Variants in CAMTA1 observed in about 807,000 individuals in gnomAD.
CAMTA1 encodes calmodulin binding transcription activator 1.
CAMTA1 carries 27 observed loss-of-function variants against 170.9 expected under a neutral mutation model. That is an observed-to-expected ratio of 0.16 (90% CI 0.12 to 0.22). The LOEUF (loss-of-function observed/expected upper bound fraction) is 0.22. CAMTA1 is among the 10% of genes least tolerant of loss of function. The probability of loss-of-function intolerance (pLI) is 1.00; values close to 1 mark genes in which losing one functional copy is unlikely to be tolerated. For synonymous variants in CAMTA1, 833 were observed against 891.5 expected (o/e 0.93, Z 1.17); for missense variants, 1,619 against 2,217.2 (o/e 0.73, Z 5.42).
intron 3 of CAMTA1, among the ~76,000 whole-genome samples, chr1:6,884,738 G>T (rs1410706785): frequency 6.6e-6 from 1 of 152,204 alleles, no homozygotes; most frequent in African/African-American, 2.4e-5. Flanking sequence ...TGTGTTGAAG[G>T]AATAATTACT....
chr1:6,935,008 G>T (rs1469398486), intron 3 of CAMTA1, among the ~76,000 whole-genome samples: 1 of 152,154 alleles, frequency 6.6e-6, no homozygotes, highest in Admixed American at 6.5e-5. Context: ...GAACTTAAAA[G>T]AAATGCAGGA....
chr1:7,170,674 A>G (rs1257090438), intron 4 of CAMTA1, among the ~76,000 whole-genome samples: 2 of 152,290 alleles, frequency 1.3e-5, no homozygotes, highest in East Asian at 1.9e-4. Flanking sequence ...GTAGTATTCC[A>G]TGGTGTATAT....
At position 7,064,043 on chromosome 1, in the gene CAMTA1, A is replaced by ATGG. The variant is rs1357536471; in HGVS notation, c.235-27257_235-27255dup. 1.4e-4 allele frequency among the ~76,000 whole-genome samples: 21 copies of ATGG among 152,026 alleles called. No homozygotes were observed. Among genetic ancestry groups the ATGG allele is most frequent in the Admixed American group, 1.4e-3 (21 of 15,266 alleles). ...GGCTGCCAGGTGGCTGCCTTCTCAT[A>ATGG]TGGTGGGAGCCTTTGCCTTCACCTT... On this transcript the variant is annotated intron_variant, in intron 3 of 22. Transcript: ENST00000303635. The surrounding 1 kb of genome is among the most constrained non-coding windows in gnomAD (Gnocchi z 5.4).
intron 6 of CAMTA1, among the ~76,000 whole-genome samples, chr1:7,550,787 C>A (rs2094790198): frequency 7.4e-6 from 1 of 135,396 alleles, no homozygotes; most frequent in African/African-American, 2.7e-5. Context: ...ACCTGACCGT[C>A]TTTCACATGG....
rs949137931 is a variant in CAMTA1 at position 7,455,270 on chromosome 1, A to C, written c.439-12560A>C. Among the ~76,000 whole-genome samples the C allele has an allele frequency of 1.3e-5, 2 of 152,202 alleles. No individual in the cohort carries two copies. The highest frequency in any genetic ancestry group is 1.3e-4 in the Admixed American group (2 of 15,284). Reference sequence around the variant, plus strand: ...TTTCCGACACTGGCTCCCAGGTGGAAGGCCTGATGCCGCCCTGCTGTCTGC... The same window carrying C: ...TTTCCGACACTGGCTCCCAGGTGGACGGCCTGATGCCGCCCTGCTGTCTGC... On this transcript the variant is annotated intron_variant, in intron 5 of 22. Transcript: ENST00000303635. The surrounding 1 kb of genome is among the most constrained non-coding windows in gnomAD (Gnocchi z 5.0).
intron 3 of CAMTA1, among the ~76,000 whole-genome samples, chr1:7,089,811 C>T (rs1473525682): frequency 6.6e-6 from 1 of 152,124 alleles, no homozygotes; most frequent in Non-Finnish European, 1.5e-5. Context: ...GGATAACTGA[C>T]GCCATCATGA....
At chr1:6,989,866 C>T (rs111331035) in intron 3 of CAMTA1, among the ~76,000 whole-genome samples, 3 of 152,130 alleles carry the variant, frequency 2.0e-5, no homozygotes, top group African/African-American at 7.2e-5. Context: ...TATTTACTGA[C>T]CTTGGGGGGT....
At chr1:6,813,462 TC>T (rs1022543735) in intron 1 of CAMTA1, among the ~76,000 whole-genome samples, 14 of 151,750 alleles carry the variant, frequency 9.2e-5, no homozygotes, top group African/African-American at 3.4e-4. Flanking sequence ...TGTTGAGTAT[TC>T]CCCCTACTCC....
intron 6 of CAMTA1, among the ~76,000 whole-genome samples, chr1:7,540,603 C>T (rs1327301337): frequency 2.6e-5 from 4 of 152,174 alleles, no homozygotes; most frequent in Non-Finnish European, 4.4e-5. Flanking sequence ...CCTCTTTGCA[C>T]GACAGCTGGA....
chr1:7,698,802 C>G (rs58100454), intron 11 of CAMTA1: 139,174 of 151,972 alleles, frequency 0.92, 63,927 homozygotes, highest in East Asian at 1. Flanking sequence ...GAAGCACTGT[C>G]AAACTGCCTG....
At chr1:7,446,171 ACT>A (rs959408590) in intron 5 of CAMTA1, among the ~76,000 whole-genome samples, 1 of 138,240 alleles carries the variant, frequency 7.2e-6, no homozygotes, top group African/African-American at 3.1e-5. Flanking sequence ...TATAATTAAA[ACT>A]CTGCTGTGAA....
intron 5 of CAMTA1, among the ~76,000 whole-genome samples, chr1:7,385,175 C>T (rs1468196119): frequency 2.6e-5 from 4 of 151,016 alleles, no homozygotes; most frequent in African/African-American, 7.3e-5. Context: ...CTGCAACCTC[C>T]GCCTCCCAGG....
chr1:7,402,289 C>G (rs994658502), intron 5 of CAMTA1, among the ~76,000 whole-genome samples: 1 of 152,170 alleles, frequency 6.6e-6, no homozygotes. Context: ...GACCCCTGGT[C>G]CTCCCTTGTT....
In CAMTA1 at chr1:7,234,391, A is replaced by G. The variant is rs1663415266; in HGVS notation, c.303-15100A>G. Among the ~76,000 whole-genome samples, 1 of 151,884 alleles carries G rather than the reference A, an allele frequency of 6.6e-6. No individual in the cohort carries two copies. Among genetic ancestry groups the G allele is most frequent in the Non-Finnish European group, 1.5e-5 (1 of 67,980 alleles). On this transcript the variant is annotated intron_variant, in intron 4 of 22. Coordinates refer to ENST00000303635, the MANE Select transcript of CAMTA1 (RefSeq NM_015215.4). This position sits in a 1 kb window ranked among gnomAD's most constrained non-coding sequence, Gnocchi z 5.0. ...CTGTTCTCAAACCCACTCATTCGCTATCTCTGGTGGGTCCCCTTTCCCTCC... is the reference window on the plus strand; with the variant it reads ...CTGTTCTCAAACCCACTCATTCGCTGTCTCTGGTGGGTCCCCTTTCCCTCC...
At chr1:7,035,502 C>T (rs1040863474) in intron 3 of CAMTA1, among the ~76,000 whole-genome samples, 5 of 152,140 alleles carry the variant, frequency 3.3e-5, no homozygotes, top group Non-Finnish European at 7.3e-5. Flanking sequence ...AAGCACATGG[C>T]AATGAAGAAT....
chr1:7,338,366 A>G (rs1397260944), intron 5 of CAMTA1, among the ~76,000 whole-genome samples: 1 of 152,234 alleles, frequency 6.6e-6, no homozygotes, highest in Non-Finnish European at 1.5e-5. Context: ...GGCTGGCACA[A>G]AGGGATTGGC....
At position 7,677,666 on chromosome 1, in the gene CAMTA1, G is replaced by A. The variant is rs757491972; in HGVS notation, c.2847G>A (p.Val949=). The stretch of plus-strand genomic sequence containing the variant: ...ACCAGATCATCTCCAACTCGGTGGT[G>A]TTTGAGTACAAAGCCCGGGCTCTGC... ...FNNQIISNSV[V]FEYKARALPT... is the part of the protein sequence containing the mutation. The change falls in exon 11 of 23, where the codon GTG becomes GTA. Residue 949 remains valine, a synonymous_variant. Coordinates refer to ENST00000303635, the MANE Select transcript of CAMTA1 (RefSeq NM_015215.4). 2.5e-5 allele frequency: 41 copies of A among 1,614,022 alleles called. No homozygotes were observed. Among genetic ancestry groups the A allele is most frequent in the Non-Finnish European group, 3.3e-5 (39 of 1,180,006 alleles).
At chr1:6,797,666 C>T (rs915937420) in intron 1 of CAMTA1, among the ~76,000 whole-genome samples, 2 of 151,888 alleles carry the variant, frequency 1.3e-5, no homozygotes, top group Non-Finnish European at 1.5e-5. Flanking sequence ...GGATTACAGA[C>T]GTGAGCCACC....
Position 7,665,494 on chromosome 1 carries a change from A to G in CAMTA1, c.2652+295A>G, listed in dbSNP as rs1316630227. The stretch of plus-strand genomic sequence containing the variant: ...TTTGGGAGGCCGAGGCAGGAGGATC[A>G]TCTGAGCCAAGGAGTTCCAAACCAA... On this transcript the variant is annotated intron_variant, in intron 9 of 22. Transcript: ENST00000303635. The surrounding 1 kb of genome is among the most constrained non-coding windows in gnomAD (Gnocchi z 4.3). Among the ~76,000 whole-genome samples, 1 of 152,160 alleles carries G rather than the reference A, an allele frequency of 6.6e-6. No homozygotes were observed. The highest frequency in any genetic ancestry group is 2.4e-5 in the African/African-American group (1 of 41,440).
Sources: allele counts gnomAD v4.1 joint callset (sites outside exome capture counted in the v4.1 genomes callset), GRCh38; gene constraint gnomAD v4.1.1; non-coding constraint Gnocchi (gnomAD v3.1); transcripts MANE v1.5; gene names NCBI Gene and HGNC (gene_info 2026-07-23, HGNC 2026-07-21).